Variants in RNF128 observed in about 807,000 individuals in gnomAD.
RNF128 encodes the protein ring finger protein 128, also known as E3 ubiquitin-protein ligase RNF128.
Under a neutral mutation model 26.2 loss-of-function variants are expected in RNF128, and 13 were observed. That is an observed-to-expected ratio of 0.50 (90% CI 0.32 to 0.79). RNF128 has a LOEUF of 0.79. Among genes scored for constraint, RNF128 ranks in the 30% least tolerant of loss-of-function variants. The probability of loss-of-function intolerance (pLI) is 0.03; values close to 1 mark genes in which losing one functional copy is unlikely to be tolerated. For synonymous variants in RNF128, 149 were observed against 142.5 expected (o/e 1.05, Z -0.32); for missense variants, 315 against 349.7 (o/e 0.90, Z 0.79).
chrX:106,728,302 T>G (rs771292959), intron 1 of RNF128, among the ~76,000 whole-genome samples: 2 of 111,936 alleles, frequency 1.8e-5, no homozygotes, highest in South Asian at 7.6e-4. Context: ...TTTTAAGAGC[T>G]GGGCCTCAAG....
intron 1 of RNF128, among the ~76,000 whole-genome samples, chrX:106,760,774 A>G (rs1251057124): frequency 2.7e-5 from 3 of 111,586 alleles, no homozygotes; most frequent in African/African-American, 9.8e-5. Context: ...GATATAGAAA[A>G]AGTCACACGT....
At chrX:106,739,162 T>A (rs2147674481) in intron 1 of RNF128, among the ~76,000 whole-genome samples, 1 of 110,088 alleles carries the variant, frequency 9.1e-6, no homozygotes, top group African/African-American at 3.3e-5. Flanking sequence ...CCTTCTTTCT[T>A]TCTGACTTTT....
intron 1 of RNF128, among the ~76,000 whole-genome samples, chrX:106,738,749 T>C: frequency 8.9e-6 from 1 of 111,781 alleles, no homozygotes; most frequent in Non-Finnish European, 1.9e-5. Context: ...AATCTAAGAC[T>C]CAGTTTCTTC....
intron 1 of RNF128, among the ~76,000 whole-genome samples, chrX:106,732,265 T>C (rs1929513279): frequency 8.9e-6 from 1 of 111,965 alleles, no homozygotes; most frequent in Non-Finnish European, 1.9e-5. Flanking sequence ...CAAAACAAAG[T>C]ATAGTAATCT....
At position 106,790,363 on chromosome X, in the gene RNF128, C is replaced by T. The variant is rs1417307683; in HGVS notation, c.984+81C>T. The T allele has an allele frequency of 1.8e-4, 115 of 655,571 alleles. 1 individual carries two copies. In the Admixed American group the frequency reaches 2.3e-3, roughly 13 times the overall value. 54.0% of individuals were successfully genotyped at this position (655,571 alleles called of 1,213,427 possible). A position where few individuals can be genotyped will look rare whatever the true frequency, so the allele number is the denominator to read the frequency against. Reference sequence around the variant, plus strand: ...TAACAAAATAACATCCTTATTTTTTCGCTATGTAATACACCATACTTATAG... The same window carrying T: ...TAACAAAATAACATCCTTATTTTTTTGCTATGTAATACACCATACTTATAG... On this transcript the variant is annotated intron_variant, in intron 5 of 6. Coordinates refer to ENST00000255499, the MANE Select transcript of RNF128 (RefSeq NM_194463.2).
chrX:106,731,193 T>G (rs1929496975), intron 1 of RNF128, among the ~76,000 whole-genome samples: 1 of 112,346 alleles, frequency 8.9e-6, no homozygotes, highest in South Asian at 3.7e-4. Flanking sequence ...AGAACATAAT[T>G]GGAAATGAAC....
In RNF128 at chrX:106,703,703, T is replaced by C. The variant is rs1226209198; in HGVS notation, c.406+9295T>C. ...TTAAGGTTATTAGAACTGAAGCAAT[T>C]AAGAAATTGTAAAGGTCAGAGTGTT... On this transcript the variant is annotated intron_variant, in intron 1 of 6. Coordinates refer to the RNF128 transcript ENST00000324342. Among the ~76,000 whole-genome samples the C allele has an allele frequency of 2.7e-5, 3 of 110,847 alleles. No individual in the cohort carries two copies. The Admixed American group carries it at 2.9e-4, about 11-fold the overall frequency.
In RNF128 at chrX:106,727,335, C is replaced by G. The variant is rs745899251; in HGVS notation, c.422C>G (p.Ser141Cys). Residue 141 changes from serine to cysteine, a missense_variant, in exon 1 of 7, where the codon TCT becomes TGT. By Grantham distance (112) the Ser-to-Cys change is moderately radical (BLOSUM62 -1). Transcript: ENST00000255499. ...KIHLAYERGA[S>C]GAVIFNFPGT... ...CATCTGGCTTATGAGAGAGGGGCGT[C>G]TGGAGCCGTCATCTTTAACTTCCCC... is the stretch of plus-strand genomic sequence containing the variant. The G allele has an allele frequency of 8.3e-7, 1 of 1,211,657 alleles. No individual in the cohort carries two copies. Among genetic ancestry groups the G allele is most frequent in the South Asian group, 1.8e-5 (1 of 56,944 alleles).
intron 1 of RNF128, among the ~76,000 whole-genome samples, chrX:106,719,386 A>C (rs2147664810): frequency 9.0e-6 from 1 of 111,355 alleles, no homozygotes; most frequent in South Asian, 3.8e-4. Flanking sequence ...ACACTCAGCT[A>C]ATTTTTGTAC....
Position 106,790,231 on chromosome X carries a change from CA to C in RNF128, c.934del (p.Arg312GlyfsTer80), listed in dbSNP as rs1279503671. On this transcript the variant is annotated frameshift_variant, in exon 5 of 7. Transcript: ENST00000255499. LOFTEE classifies it high-confidence loss of function. ...TCVDPWLLEH[R>X]TCPMCKCDIL... Reference sequence around the variant, plus strand: ...GTGTTGACCCATGGCTGTTAGAACACAGGACTTGCCCCATGTGCAAATGTGA... The same window carrying C: ...GTGTTGACCCATGGCTGTTAGAACACGGACTTGCCCCATGTGCAAATGTGA... The C allele has an allele frequency of 8.3e-7, 1 of 1,202,224 alleles. No individual in the cohort carries two copies. Among genetic ancestry groups the C allele is most frequent in the East Asian group, 3.0e-5 (1 of 33,623 alleles).
chrX:106,780,044 A>C (rs2147698655), intron 2 of RNF128, among the ~76,000 whole-genome samples: 1 of 111,644 alleles, frequency 9.0e-6, no homozygotes, highest in African/African-American at 3.2e-5. Flanking sequence ...ACTTAAGTAC[A>C]GAAAAATCTA....
rs1000216499 is a variant in RNF128 at position 106,734,267 on chromosome X, C to T, written c.484+6870C>T. Among the ~76,000 whole-genome samples, 51 of 110,507 alleles carry T rather than the reference C, an allele frequency of 4.6e-4. 1 individual carries two copies. Among genetic ancestry groups the T allele is most frequent in the Non-Finnish European group, 1.7e-4 (9 of 52,889 alleles). On this transcript the variant is annotated intron_variant, in intron 1 of 6. Transcript: ENST00000255499. ...CATTTAAATAAAAAATATGCTTCAC[C>T]GAGGTTTACATTGAAATATACTTAC...
intron 5 of RNF128, among the ~76,000 whole-genome samples, chrX:106,790,591 T>C (rs935326165): frequency 9.0e-6 from 1 of 110,873 alleles, no homozygotes; most frequent in South Asian, 3.8e-4. Context: ...ACCAAACTTG[T>C]AGTTAAATAA....
At chrX:106,777,994 G>C (rs1033782781) in intron 2 of RNF128, among the ~76,000 whole-genome samples, 3 of 111,439 alleles carry the variant, frequency 2.7e-5, no homozygotes, top group African/African-American at 9.8e-5. Flanking sequence ...TCTTCCTTAT[G>C]ATTTTCTTAA....
intron 1 of RNF128, among the ~76,000 whole-genome samples, chrX:106,753,723 A>G (rs1359213907): frequency 2.7e-5 from 3 of 112,203 alleles, no homozygotes; most frequent in African/African-American, 9.7e-5. Flanking sequence ...CTTCACCTAT[A>G]AGGACACACA....
intron 1 of RNF128, among the ~76,000 whole-genome samples, chrX:106,720,167 C>T (rs1163211990): frequency 9.1e-6 from 1 of 109,503 alleles, no homozygotes; most frequent in African/African-American, 3.3e-5. Flanking sequence ...TTCCTTCCAG[C>T]ACCTCCCTTG....
chrX:106,717,032 C>T (rs919324534), intron 1 of RNF128, among the ~76,000 whole-genome samples: 3 of 109,960 alleles, frequency 2.7e-5, no homozygotes, highest in African/African-American at 9.9e-5. Flanking sequence ...GAAACCCCGT[C>T]TCTACTAAAA....
intron 1 of RNF128, among the ~76,000 whole-genome samples, chrX:106,739,671 T>C (rs1055618394): frequency 8.9e-6 from 1 of 111,954 alleles, no homozygotes. Flanking sequence ...CAATTTATAG[T>C]GAAAAGATAA....
chrX:106,778,925 T>A (rs1930516921), intron 2 of RNF128, among the ~76,000 whole-genome samples: 1 of 112,161 alleles, frequency 8.9e-6, no homozygotes, highest in African/African-American at 3.2e-5. Flanking sequence ...GAAGATTCAT[T>A]AAGTACCTGC....
Sources: allele counts gnomAD v4.1 joint callset (sites outside exome capture counted in the v4.1 genomes callset), GRCh38; gene constraint gnomAD v4.1.1; transcripts MANE v1.5; gene names NCBI Gene and HGNC (gene_info 2026-07-23, HGNC 2026-07-21).